Variants in ADGRL3 observed in about 807,000 individuals in gnomAD.
The protein encoded by ADGRL3 is adhesion G protein-coupled receptor L3, also known as calcium-independent alpha-latrotoxin receptor 3.
Under a neutral mutation model 153.5 loss-of-function variants are expected in ADGRL3, and 62 were observed. The observed-to-expected ratio is 0.40, with a 90% CI of 0.33 to 0.50. The LOEUF is 0.50. ADGRL3 is among the 20% of genes least tolerant of loss of function. The pLI, the probability that ADGRL3 is intolerant of heterozygous loss-of-function variation, is 0.47. For missense variants in ADGRL3, 1,641 were observed against 1,859.4 expected (o/e 0.88, Z 2.16); for synonymous variants, 710 against 672.5 (o/e 1.06, Z -0.86).
At chr4:61,206,310 T>A (rs2148768018) in intron 1 of ADGRL3, among the ~76,000 whole-genome samples, 1 of 152,326 alleles carries the variant, frequency 6.6e-6, no homozygotes, top group African/African-American at 2.4e-5. Flanking sequence ...TTTTGAAAAC[T>A]ATTTTTGGGA....
At position 61,732,942 on chromosome 4, in the gene ADGRL3, A is replaced by C. The variant is rs756014831; in HGVS notation, c.787A>C (p.Arg263=). The change falls in exon 8 of 27, where the codon AGA becomes CGA. Residue 263 remains arginine (R), a synonymous_variant. Coordinates refer to ENST00000683033, the MANE Select transcript of ADGRL3 (RefSeq NM_001387552.1). The part of the protein sequence containing the change: ...YSSKDDFIAG[R]PTTTYKLPHR... ...ATCCAAGGATGACTTCATTGCTGGA[A>C]GACCAACTACAACCTACAAGCTCCC... The C allele has an allele frequency of 2.5e-6, 4 of 1,613,790 alleles. No individual in the cohort carries two copies. Among genetic ancestry groups the C allele is most frequent in the Non-Finnish European group, 3.4e-6 (4 of 1,179,836 alleles).
intron 5 of ADGRL3, among the ~76,000 whole-genome samples, chr4:61,658,348 T>C (rs2094498309): frequency 2.6e-5 from 4 of 152,164 alleles, no homozygotes; most frequent in African/African-American, 9.7e-5. Context: ...GTATTGTTCC[T>C]TGCTTATAAC....
chr4:61,226,370 T>A (rs553840843), intron 1 of ADGRL3, among the ~76,000 whole-genome samples: 1 of 152,298 alleles, frequency 6.6e-6, no homozygotes, highest in African/African-American at 2.4e-5. Flanking sequence ...ATAATTGCAG[T>A]TTGCAGTATA....
chr4:61,884,646 AT>A (rs1469749287), intron 9 of ADGRL3, among the ~76,000 whole-genome samples: 1 of 151,856 alleles, frequency 6.6e-6, no homozygotes, highest in African/African-American at 2.4e-5. Context: ...CTTTTTTGAG[AT>A]GGAGTCTCGC....
At chr4:61,364,350 T>A (rs867137219) in intron 1 of ADGRL3, among the ~76,000 whole-genome samples, 2,439 of 147,216 alleles carry the variant, frequency 0.017, 24 homozygotes, top group Non-Finnish European at 0.021. Flanking sequence ...AAAAAAATAA[T>A]AATAATAATA....
chr4:61,271,163 G>A (rs1430515450), intron 1 of ADGRL3, among the ~76,000 whole-genome samples: 1 of 151,728 alleles, frequency 6.6e-6, no homozygotes, highest in Non-Finnish European at 1.5e-5. Context: ...TGACTTCCGG[G>A]GCCAGGGAGG....
intron 17 of ADGRL3, among the ~76,000 whole-genome samples, chr4:61,959,865 C>G (rs1201653543): frequency 6.6e-6 from 1 of 152,070 alleles, no homozygotes; most frequent in Non-Finnish European, 1.5e-5. Flanking sequence ...AGTTCTTACA[C>G]TCATTTTGTA....
Position 61,935,205 on chromosome 4 carries a change from T to C in ADGRL3, c.2296+182T>C, listed in dbSNP as rs1361526465. Among the ~76,000 whole-genome samples the C allele has an allele frequency of 2.0e-5, 3 of 152,226 alleles. No individual in the cohort carries two copies. In the East Asian group the frequency reaches 5.8e-4, roughly 29 times the overall value. Reference sequence around the variant, plus strand: ...TGGCTTAAAAGGATACAAGATCATGTGTGCTATCTTTCTTAGGACATTTCA... The same window carrying C: ...TGGCTTAAAAGGATACAAGATCATGCGTGCTATCTTTCTTAGGACATTTCA... On this transcript the variant is annotated intron_variant, in intron 14 of 26. Transcript: ENST00000683033.
At chr4:61,678,916 C>G (rs1053426684) in intron 6 of ADGRL3, among the ~76,000 whole-genome samples, 3 of 151,856 alleles carry the variant, frequency 2.0e-5, no homozygotes, top group African/African-American at 7.2e-5. Context: ...AAGTATAAAT[C>G]ATAAAATAAA....
chr4:61,727,129 A>AT (rs2096362781), intron 6 of ADGRL3, among the ~76,000 whole-genome samples: 1 of 152,090 alleles, frequency 6.6e-6, no homozygotes, highest in South Asian at 2.1e-4. Context: ...CAAATATCTT[A>AT]TTTTTTGAAA....
At chr4:62,001,683 A>G (rs1475939148) in intron 21 of ADGRL3, among the ~76,000 whole-genome samples, 2 of 152,192 alleles carry the variant, frequency 1.3e-5, no homozygotes, top group East Asian at 3.8e-4. Flanking sequence ...AAACAAGAAT[A>G]AGGCTCTGTA....
chr4:61,762,677 A>T (rs548123082), intron 8 of ADGRL3, among the ~76,000 whole-genome samples: 23 of 152,194 alleles, frequency 1.5e-4, no homozygotes, highest in Admixed American at 3.3e-4. Flanking sequence ...CTAAGCAAAG[A>T]TCTGATAAAT....
At chr4:61,406,387 A>G (rs2096996606) in intron 2 of ADGRL3, among the ~76,000 whole-genome samples, 1 of 151,926 alleles carries the variant, frequency 6.6e-6, no homozygotes, top group Non-Finnish European at 1.5e-5. Context: ...TTAATGAGGG[A>G]GTACATATTG....
chr4:61,416,935 C>T (rs1404601937), intron 2 of ADGRL3, among the ~76,000 whole-genome samples: 3 of 152,038 alleles, frequency 2.0e-5, no homozygotes, highest in Non-Finnish European at 2.9e-5. Context: ...ACTACATGGT[C>T]CCATCTGGAG....
chr4:61,397,037 A>G (rs2096876508), intron 2 of ADGRL3, among the ~76,000 whole-genome samples: 1 of 148,530 alleles, frequency 6.7e-6, no homozygotes, highest in African/African-American at 2.5e-5. Flanking sequence ...TTCTAATATG[A>G]TAAGTATATA....
chr4:61,255,092 G>A (rs1306728409), intron 1 of ADGRL3, among the ~76,000 whole-genome samples: 1 of 152,094 alleles, frequency 6.6e-6, no homozygotes, highest in Non-Finnish European at 1.5e-5. Context: ...ATTAAAAGAT[G>A]TTGCTATGGC....
At chr4:61,831,292 G>GTGATA (rs766612665) in intron 9 of ADGRL3, among the ~76,000 whole-genome samples, 43 of 151,990 alleles carry the variant, frequency 2.8e-4, no homozygotes, top group Non-Finnish European at 5.1e-4. Context: ...TGGAAACAAG[G>GTGATA]TGATAGAAAG....
At chr4:61,715,077 T>C (rs1377246109) in intron 6 of ADGRL3, among the ~76,000 whole-genome samples, 1 of 152,234 alleles carries the variant, frequency 6.6e-6, no homozygotes, top group Non-Finnish European at 1.5e-5. Context: ...TTAATTATCT[T>C]ACCACCTTTT....
chr4:61,249,278 G>A lies in ADGRL3; in HGVS notation c.-240+47513G>A, dbSNP rs564376652. Among the ~76,000 whole-genome samples, 4 of 152,254 alleles carry A rather than the reference G, an allele frequency of 2.6e-5. No individual in the cohort carries two copies. The East Asian group carries it at 7.7e-4, about 29-fold the overall frequency. On this transcript the variant is annotated intron_variant, in intron 1 of 26. Coordinates refer to ENST00000683033, the MANE Select transcript of ADGRL3 (RefSeq NM_001387552.1). Reference sequence around the variant, plus strand: ...TAACACATTCATAAGGATTAACTGTGTCCAACAGTGTTTATCAGAAAACCC... The same window carrying A: ...TAACACATTCATAAGGATTAACTGTATCCAACAGTGTTTATCAGAAAACCC...
Sources: allele counts gnomAD v4.1 joint callset (sites outside exome capture counted in the v4.1 genomes callset), GRCh38; gene constraint gnomAD v4.1.1; transcripts MANE v1.5; gene names NCBI Gene and HGNC (gene_info 2026-07-23, HGNC 2026-07-21).